Variants in CSMD1 observed in about 807,000 individuals in gnomAD.
CSMD1 encodes the protein CUB and Sushi multiple domains 1.
CSMD1 carries 213 observed loss-of-function variants against 417.5 expected under a neutral mutation model. The observed-to-expected ratio is 0.51, with a 90% CI of 0.46 to 0.57. The LOEUF (loss-of-function observed/expected upper bound fraction) is 0.57. Ranked by LOEUF, CSMD1 falls within the 20% of genes least tolerant of loss-of-function variation. The probability of loss-of-function intolerance (pLI) is 0.00; values close to 1 mark genes in which losing one functional copy is unlikely to be tolerated. For synonymous variants in CSMD1, 2,862 were observed against 1,736.8 expected, an observed-to-expected ratio of 1.65 and a Z score of -16.11; for missense variants, 6,923 against 4,529.7, an observed-to-expected ratio of 1.53 and a Z score of -15.17.
chr8:4,874,259 G>A (rs1031093180), intron 1 of CSMD1, among the ~76,000 whole-genome samples: 6 of 152,008 alleles, frequency 3.9e-5, no homozygotes, highest in Non-Finnish European at 7.4e-5. Context: ...AATTACGTGG[G>A]ATACTGCCTA....
chr8:4,715,899 T>C (rs747167517), intron 1 of CSMD1, among the ~76,000 whole-genome samples: 4 of 152,202 alleles, frequency 2.6e-5, no homozygotes, highest in Non-Finnish European at 5.9e-5. Context: ...TCCTGGTTCC[T>C]CTAGAGTCTA....
chr8:4,307,967 G>A (rs11784980), intron 3 of CSMD1, among the ~76,000 whole-genome samples: 259 of 152,262 alleles, frequency 1.7e-3, no homozygotes, highest in Middle Eastern at 0.014. Context: ...AGACACACCT[G>A]AAGAAATTAC....
At chr8:4,114,097 G>A (rs1192965259) in intron 3 of CSMD1, among the ~76,000 whole-genome samples, 2 of 152,334 alleles carry the variant, frequency 1.3e-5, no homozygotes, top group Non-Finnish European at 1.5e-5. Context: ...TATGTAGGAA[G>A]AAGATGCCAT....
chr8:4,856,018 G>A (rs938340501), intron 1 of CSMD1, among the ~76,000 whole-genome samples: 22 of 152,042 alleles, frequency 1.4e-4, no homozygotes, highest in Non-Finnish European at 2.5e-4. Context: ...CAGAGAGAAA[G>A]GTCGGGTTAC....
intron 4 of CSMD1, among the ~76,000 whole-genome samples, chr8:3,998,546 T>G (rs1421296771): frequency 6.6e-6 from 1 of 152,208 alleles, no homozygotes; most frequent in East Asian, 1.9e-4. Context: ...AATGGTTGTC[T>G]TAAATTTATT....
chr8:3,938,210 C>T (rs959828817), intron 5 of CSMD1, among the ~76,000 whole-genome samples: 4 of 151,910 alleles, frequency 2.6e-5, no homozygotes, highest in African/African-American at 7.3e-5. Context: ...TGGGTAACAT[C>T]CAGTCACTGA....
At chr8:3,209,389 T>A (rs1400411491) in intron 30 of CSMD1, among the ~76,000 whole-genome samples, 1 of 152,156 alleles carries the variant, frequency 6.6e-6, no homozygotes, top group Non-Finnish European at 1.5e-5. Context: ...TGATCTCGGC[T>A]CACTGCAAGT....
intron 33 of CSMD1, among the ~76,000 whole-genome samples, chr8:3,197,310 C>T (rs1246922849): frequency 6.6e-6 from 1 of 152,116 alleles, no homozygotes; most frequent in African/African-American, 2.4e-5. Flanking sequence ...TATAACAGAA[C>T]TGTGTCTGTT....
At chr8:3,895,484 T>C (rs909773659) in intron 5 of CSMD1, among the ~76,000 whole-genome samples, 2 of 152,074 alleles carry the variant, frequency 1.3e-5, no homozygotes, top group Admixed American at 6.6e-5. Context: ...AAAATCAATA[T>C]TATTAGGCCT....
intron 5 of CSMD1, among the ~76,000 whole-genome samples, chr8:3,957,271 G>T (rs914431152): frequency 1.3e-5 from 2 of 152,118 alleles, no homozygotes; most frequent in African/African-American, 4.8e-5. Context: ...ATCGCAGTGG[G>T]GATACATGTA....
chr8:4,494,656 G>T (rs1801890044), intron 2 of CSMD1, among the ~76,000 whole-genome samples: 1 of 151,688 alleles, frequency 6.6e-6, no homozygotes, highest in Non-Finnish European at 1.5e-5. Flanking sequence ...TTGTTACTTG[G>T]CATCTTCATC....
chr8:3,400,998 T>A (rs1204837057), intron 15 of CSMD1, among the ~76,000 whole-genome samples: 1 of 151,766 alleles, frequency 6.6e-6, no homozygotes, highest in Non-Finnish European at 1.5e-5. Flanking sequence ...TCTTGTTAAT[T>A]TCTTAAATTC....
intron 7 of CSMD1, among the ~76,000 whole-genome samples, chr8:3,645,651 G>C (rs1387434809): frequency 1.3e-5 from 2 of 152,146 alleles, no homozygotes; most frequent in African/African-American, 4.8e-5. Context: ...AGAAATCACA[G>C]GGAGCCACTG....
intron 5 of CSMD1, among the ~76,000 whole-genome samples, chr8:3,984,499 T>C (rs964168577): frequency 1.3e-5 from 2 of 151,944 alleles, no homozygotes; most frequent in African/African-American, 4.8e-5. Flanking sequence ...GACTAGCTCA[T>C]TTTGAATCCA....
chr8:3,110,926 A>C (rs1287311442), intron 42 of CSMD1, among the ~76,000 whole-genome samples: 1 of 152,160 alleles, frequency 6.6e-6, no homozygotes, highest in Admixed American at 6.5e-5. Flanking sequence ...TACCCAATTT[A>C]TTTTCATTTT....
intron 10 of CSMD1, among the ~76,000 whole-genome samples, chr8:3,497,214 G>T (rs1796402966): frequency 6.6e-6 from 1 of 152,028 alleles, no homozygotes; most frequent in Admixed American, 6.5e-5. Context: ...TTTCTGTCTA[G>T]ATAATCTGTT....
intron 3 of CSMD1, among the ~76,000 whole-genome samples, chr8:4,112,552 T>G (rs1801913025): frequency 6.6e-6 from 1 of 152,274 alleles, no homozygotes; most frequent in South Asian, 2.1e-4. Flanking sequence ...CACGTCCTGC[T>G]TTCTCTGTTC....
chr8:4,579,248 AACAT>A (rs1225493831), intron 2 of CSMD1, among the ~76,000 whole-genome samples: 1 of 150,336 alleles, frequency 6.7e-6, no homozygotes, highest in African/African-American at 2.4e-5. Context: ...GCGAAGTTTA[AACAT>A]ACATACATAT....
intron 3 of CSMD1, among the ~76,000 whole-genome samples, chr8:4,097,920 C>T (rs1585308174): frequency 6.6e-6 from 1 of 152,136 alleles, no homozygotes; most frequent in South Asian, 2.1e-4. Context: ...AAAAGAGCAT[C>T]ATATGAAGGT....
Sources: gnomAD v4.1 joint callset for allele counts (sites outside exome capture counted in the v4.1 genomes callset) on GRCh38, gnomAD v4.1.1 for gene constraint, MANE v1.5 for transcripts, NCBI Gene and HGNC (gene_info 2026-07-23, HGNC 2026-07-21) for gene names.